Variants in ZC4H2 observed in about 807,000 individuals in gnomAD.
ZC4H2 encodes zinc finger C4H2 domain-containing protein.
For missense variants in ZC4H2, 137 were observed against 173.9 expected (o/e 0.79, Z 1.19); for synonymous variants, 84 against 66.3 (o/e 1.27, Z -1.30).
intron 1 of ZC4H2, among the ~76,000 whole-genome samples, chrX:65,022,123 C>G (rs1317916943): frequency 8.9e-6 from 1 of 112,159 alleles, no homozygotes; most frequent in Non-Finnish European, 1.9e-5. Context: ...ACCATTCCTT[C>G]TGAAACTATT....
chrX:64,978,562 T>C (rs1932017809), upstream of ZC4H2, among the ~76,000 whole-genome samples: 1 of 111,704 alleles, frequency 9.0e-6, no homozygotes, highest in South Asian at 3.8e-4. Flanking sequence ...ATCTATCATT[T>C]CATCCTCACA....
chrX:64,967,090 G>A (rs1602426057), intron 1 of ZC4H2, among the ~76,000 whole-genome samples: 1 of 111,400 alleles, frequency 9.0e-6, no homozygotes, highest in South Asian at 3.8e-4. Flanking sequence ...TTACGTAGAG[G>A]GAATGGATTT....
chrX:64,993,431 G>A (rs941135910), intron 1 of ZC4H2, among the ~76,000 whole-genome samples: 1 of 111,537 alleles, frequency 9.0e-6, no homozygotes. Flanking sequence ...CACCCAAGAC[G>A]ATGGTATTAG....
intron 1 of ZC4H2, among the ~76,000 whole-genome samples, chrX:64,983,211 GT>G (rs1464548080): frequency 9.0e-6 from 1 of 111,729 alleles, no homozygotes; most frequent in African/African-American, 3.3e-5. Flanking sequence ...CCCTCTATGG[GT>G]TTTGGTCTTC....
At chrX:64,984,554 T>A (rs141189084) in intron 1 of ZC4H2, among the ~76,000 whole-genome samples, 1 of 111,238 alleles carries the variant, frequency 9.0e-6, no homozygotes, top group Non-Finnish European at 1.9e-5. Flanking sequence ...AGTTTACTTC[T>A]CTGGGTGGCC....
chrX:64,927,357 C>T (rs1314002153), intron 1 of ZC4H2, among the ~76,000 whole-genome samples: 1 of 110,726 alleles, frequency 9.0e-6, no homozygotes, highest in South Asian at 3.9e-4. Context: ...GTTCAACTAC[C>T]ACTTATGAGT....
rs1296446270 is a variant in ZC4H2 at position 64,916,240 on chromosome X, C to G, written c.*1543G>C. ...AAATACAATCATTTATATTAAGCAA[C>G]TTGCATAGGTACCTGGCACAGAGTA... On this transcript the variant is annotated 3_prime_UTR_variant, in exon 5 of 5. Transcript: ENST00000374839. 4 of 111,095 alleles carry G rather than the reference C, an allele frequency of 3.6e-5. No individual in the cohort carries two copies. The highest frequency in any genetic ancestry group is 3.8e-4 in the South Asian group (1 of 2,599). The allele number at this position is 111,095 out of a possible 1,213,427, so 9.2% of individuals were successfully genotyped here.
At chrX:64,938,045 A>G (rs1930096331) in intron 1 of ZC4H2, among the ~76,000 whole-genome samples, 1 of 112,159 alleles carries the variant, frequency 8.9e-6, no homozygotes, top group African/African-American at 3.2e-5. Context: ...TAGCCAGACT[A>G]ATAAAGAAGA....
intron 1 of ZC4H2, among the ~76,000 whole-genome samples, chrX:64,944,760 G>A (rs1474866697): frequency 9.0e-6 from 1 of 111,430 alleles, no homozygotes; most frequent in Non-Finnish European, 1.9e-5. Context: ...CATATTTCTT[G>A]GAGGCTTTGT....
At chrX:64,999,039 GTTTT>G (rs58094683) in intron 1 of ZC4H2, among the ~76,000 whole-genome samples, 670 of 11,762 alleles carry the variant, frequency 0.057, 14 homozygotes, top group African/African-American at 0.19. Context: ...TGGATTATGT[GTTTT>G]TTTTTTTTTT....
intron 1 of ZC4H2, among the ~76,000 whole-genome samples, chrX:64,951,689 T>C (rs1418124455): frequency 9.0e-6 from 1 of 111,341 alleles, no homozygotes; most frequent in African/African-American, 3.3e-5. Context: ...CATTGTAGAT[T>C]CTGGATATTA....
At chrX:64,939,680 G>C (rs929627644) in intron 1 of ZC4H2, among the ~76,000 whole-genome samples, 2 of 112,024 alleles carry the variant, frequency 1.8e-5, no homozygotes, top group Non-Finnish European at 3.8e-5. Context: ...AAGCAATGGG[G>C]AAAGGATTCC....
chrX:65,009,595 A>G (rs1432108224), intron 1 of ZC4H2, among the ~76,000 whole-genome samples: 1 of 112,087 alleles, frequency 8.9e-6, no homozygotes, highest in Non-Finnish European at 1.9e-5. Flanking sequence ...ATTCTTCAGT[A>G]TAATAAAGGT....
intron 2 of ZC4H2, among the ~76,000 whole-genome samples, chrX:64,921,346 C>G (rs937915748): frequency 7.2e-5 from 8 of 111,710 alleles, no homozygotes; most frequent in Non-Finnish European, 1.5e-4. Flanking sequence ...CCTTAGCAGA[C>G]AGTTCATATT....
At chrX:64,946,100 G>A (rs777027182) in intron 1 of ZC4H2, among the ~76,000 whole-genome samples, 92 of 110,184 alleles carry the variant, frequency 8.3e-4, no homozygotes, top group Middle Eastern at 4.6e-3. Context: ...GTTCTCTCTC[G>A]CTTGGGTTCC....
At chrX:64,950,087 G>A (rs939161300) in intron 1 of ZC4H2, among the ~76,000 whole-genome samples, 8 of 111,899 alleles carry the variant, frequency 7.1e-5, no homozygotes, top group Non-Finnish European at 1.5e-4. Flanking sequence ...CTTTATTTCT[G>A]CCTTCATTTC....
chrX:64,918,867 G>T, intron 4 of ZC4H2, 175 bp downstream of exon 4: 1 of 493,487 alleles, frequency 2.0e-6, no homozygotes, highest in Non-Finnish European at 3.0e-6. Flanking sequence ...AACAAAACCT[G>T]TGCTGTGTGT....
chrX:64,953,616 A>T (rs192742952), intron 1 of ZC4H2, among the ~76,000 whole-genome samples: 1 of 112,285 alleles, frequency 8.9e-6, no homozygotes, highest in Non-Finnish European at 1.9e-5. Flanking sequence ...TCAAAACCAC[A>T]ATGAGATAGC....
upstream of ZC4H2, chrX:64,976,536 C>T: frequency 1.9e-6 from 1 of 526,270 alleles, no homozygotes; most frequent in Non-Finnish European, 3.2e-6. Context: ...GCTTCAGGGC[C>T]AGCCAGGAAG....
Sources: gnomAD v4.1 joint callset for allele counts (sites outside exome capture counted in the v4.1 genomes callset) on GRCh38, gnomAD v4.1.1 for gene constraint, MANE v1.5 for transcripts, NCBI Gene and HGNC (gene_info 2026-07-23, HGNC 2026-07-21) for gene names.